GTSE1: variants seen among roughly 807,000 people sequenced by gnomAD.
GTSE1 encodes the protein G2 and S phase-expressed protein 1.
In GTSE1, 52 loss-of-function variants were observed where a neutral mutation model predicts 60.5. The ratio of observed to expected loss-of-function variants is 0.86; its 90% CI spans 0.69 to 1.08. The LOEUF is 1.08. Among genes scored for constraint, GTSE1 ranks in the 50% least tolerant of loss-of-function variants. The pLI is 0.00. For synonymous variants in GTSE1, 368 were observed against 386.5 expected, an observed-to-expected ratio of 0.95 and a Z score of 0.56; for missense variants, 937 against 961.8, an observed-to-expected ratio of 0.97 and a Z score of 0.34.
At chr22:46,299,155 G>A (rs1375912787) in intron 2 of GTSE1, among the ~76,000 whole-genome samples, 6 of 152,200 alleles carry the variant, frequency 3.9e-5, no homozygotes, top group Non-Finnish European at 5.9e-5. Flanking sequence ...AGTCCAAGAC[G>A]CTCTTGGTTT....
At position 46,298,959 on chromosome 22, in the gene GTSE1, C is replaced by T. The variant is rs557364715; in HGVS notation, c.79+1480C>T. 5.9e-5 allele frequency among the ~76,000 whole-genome samples: 9 copies of T among 152,344 alleles called. 1 individual carries two copies. The highest frequency in any genetic ancestry group is 5.9e-4 in the Admixed American group (9 of 15,312). ...TTCCAAGCCAAACTTTGAGAGCTTT[C>T]TCACTTGTTATGCCATTTTTTTCCG... is the stretch of plus-strand genomic sequence containing the variant. On this transcript the variant is annotated intron_variant, in intron 2 of 11. Coordinates refer to ENST00000454366, the MANE Select transcript of GTSE1 (RefSeq NM_016426.7).
chr22:46,308,242 A>G, intron 3 of GTSE1, 35 bp downstream of exon 3: 1 of 1,607,194 alleles, frequency 6.2e-7, no homozygotes, highest in Middle Eastern at 1.7e-4. Flanking sequence ...TGCCTTGGGC[A>G]TAACCACATT....
At position 46,314,235 on chromosome 22, in the gene GTSE1, A is replaced by G. The variant is rs1349629568; in HGVS notation, c.1051+222A>G. Among the ~76,000 whole-genome samples the G allele has an allele frequency of 6.6e-6, 1 of 152,226 alleles. No homozygotes were observed. The highest frequency in any genetic ancestry group is 2.4e-5 in the African/African-American group (1 of 41,460). ...ACACTCAGATGGGTGGCTTCAGTCT[A>G]CGGGGTACACATGGCCAGAAAGCAT... On this transcript the variant is annotated intron_variant, in intron 6 of 11. Transcript: ENST00000454366. The surrounding 1 kb of genome is among the most constrained non-coding windows in gnomAD (Gnocchi z 7.1).
At chr22:46,323,572 G>T (rs547038774) in intron 8 of GTSE1, among the ~76,000 whole-genome samples, 4 of 152,338 alleles carry the variant, frequency 2.6e-5, no homozygotes, top group Admixed American at 6.5e-5. Flanking sequence ...CACCCCAGGG[G>T]TTCTGATTTG....
At chr22:46,312,368 A>T (rs1569040947) in intron 5 of GTSE1, 63 bp downstream of exon 5, 2 of 1,493,438 alleles carry the variant, frequency 1.3e-6, no homozygotes, top group Non-Finnish European at 1.8e-6. Flanking sequence ...CTGTGTGTAC[A>T]AGTGCTTTGG....
rs1391669729 is a variant in GTSE1, at chr22:46,320,227, A to G, written c.1433-2963A>G. ...GCCACAGGACTTCTGCTAATCCCAA[A>G]TCCCTGTTGGCTTTGCCCTGTTTCC... On this transcript the variant is annotated intron_variant, in intron 7 of 11. Coordinates refer to ENST00000454366, the MANE Select transcript of GTSE1 (RefSeq NM_016426.7). This position sits in a 1 kb window ranked among gnomAD's most constrained non-coding sequence, Gnocchi z 7.1. Among the ~76,000 whole-genome samples the G allele has an allele frequency of 6.6e-6, 1 of 151,902 alleles. No homozygotes were observed. Among genetic ancestry groups the G allele is most frequent in the Non-Finnish European group, 1.5e-5 (1 of 67,952 alleles).
intron 4 of GTSE1, among the ~76,000 whole-genome samples, chr22:46,311,394 T>C (rs1307987162): frequency 6.6e-6 from 1 of 152,186 alleles, no homozygotes; most frequent in Non-Finnish European, 1.5e-5. Flanking sequence ...AGGTTCTTTT[T>C]TGGGACACCA....
Position 46,314,040 on chromosome 22 carries a change from C to T in GTSE1, c.1051+27C>T. 1 of 1,612,962 alleles carries T rather than the reference C, an allele frequency of 6.2e-7. No homozygotes were observed. Among genetic ancestry groups the T allele is most frequent in the African/African-American group, 1.3e-5 (1 of 75,020 alleles). On this transcript the variant is annotated intron_variant, in intron 6 of 11. Coordinates refer to ENST00000454366, the MANE Select transcript of GTSE1 (RefSeq NM_016426.7). The surrounding 1 kb of genome is among the most constrained non-coding windows in gnomAD (Gnocchi z 7.1). ...TGAGGCAGCCGGCATCATGCTTGGA[C>T]CCACATCTGGCCAGGTGAGGCCTGG...
rs1417747848 is a variant in GTSE1 at position 46,304,499 on chromosome 22, A to G, written c.80-3651A>G. On this transcript the variant is annotated intron_variant, in intron 2 of 11. Coordinates refer to ENST00000454366, the MANE Select transcript of GTSE1 (RefSeq NM_016426.7). This position sits in a 1 kb window ranked among gnomAD's most constrained non-coding sequence, Gnocchi z 4.4. ...AAGAATGTATGTTGTATTTTATCAT[A>G]TGCCCGTTCAACATATGTGCAGACG... Among the ~76,000 whole-genome samples the G allele has an allele frequency of 6.6e-6, 1 of 152,202 alleles. No individual in the cohort carries two copies. The highest frequency in any genetic ancestry group is 2.4e-5 in the African/African-American group (1 of 41,440).
Position 46,312,153 on chromosome 22 carries a change from A to G in GTSE1, c.775A>G (p.Ile259Val). The change falls in exon 5 of 12, where the codon ATT (isoleucine) becomes GTT (valine). Residue 259 changes from isoleucine (I) to valine (V), a missense_variant. By Grantham distance (29) the Ile-to-Val change is conservative (BLOSUM62 3). Transcript: ENST00000454366. ...PGAAEKPKKE[I>V]PASPSRTKIP... is the part of the protein sequence containing the mutation. Reference sequence around the variant, plus strand: ...TTAAAATTTTCAGCCCAAGAAAGAGATTCCAGCTAGTCCTTCCAGGACAAA... The same window carrying G: ...TTAAAATTTTCAGCCCAAGAAAGAGGTTCCAGCTAGTCCTTCCAGGACAAA... 1 of 1,612,872 alleles carries G rather than the reference A, an allele frequency of 6.2e-7. No homozygotes were observed. Among genetic ancestry groups the G allele is most frequent in the Non-Finnish European group, 8.5e-7 (1 of 1,179,430 alleles).
chr22:46,313,878 A>C lies in GTSE1; in HGVS notation c.928-12A>C, dbSNP rs1395806309. On this transcript the variant is annotated splice_polypyrimidine_tract_variant and intron_variant, in intron 5 of 11. Transcript: ENST00000454366. This position sits in a 1 kb window ranked among gnomAD's most constrained non-coding sequence, Gnocchi z 4.4. ...ATCTTTGCTGATTCTGTTTTTTCAC[A>C]TTTTGCCCCAGTTGGGGCTGAAGAA... The C allele has an allele frequency of 6.2e-7, 1 of 1,613,816 alleles. No homozygotes were observed. The highest frequency in any genetic ancestry group is 2.2e-5 in the East Asian group (1 of 44,880).
intron 2 of GTSE1, among the ~76,000 whole-genome samples, chr22:46,306,176 T>TTTTA (rs1038294968): frequency 1.3e-5 from 2 of 152,084 alleles, no homozygotes; most frequent in African/African-American, 2.4e-5. Flanking sequence ...GTGTTGTTAT[T>TTTTA]TTTATTTATT....
intron 3 of GTSE1, 32 bp downstream of exon 3, chr22:46,308,239 G>C: frequency 6.2e-7 from 1 of 1,607,514 alleles, no homozygotes; most frequent in Non-Finnish European, 8.5e-7. Flanking sequence ...CCTTGCCTTG[G>C]GCATAACCAC....
Position 46,297,310 on chromosome 22 carries a change from G to T in GTSE1, c.-21-70G>T, listed in dbSNP as rs764628369. 2.2e-6 allele frequency: 2 copies of T among 921,254 alleles called. No homozygotes were observed. Among genetic ancestry groups the T allele is most frequent in the Non-Finnish European group, 3.6e-6 (2 of 558,220 alleles). The allele number at this position is 921,254 out of a possible 1,614,324, so 57.1% of individuals were successfully genotyped here. On this transcript the variant is annotated intron_variant, in intron 1 of 11. Transcript: ENST00000454366. The surrounding 1 kb of genome is among the most constrained non-coding windows in gnomAD (Gnocchi z 4.9). ...TCAGCTCTCTCTGCCTCTGTGAGCC[G>T]AGGGCTGAAGGAAGCCGGAGCCCTG...
chr22:46,314,152 C>A lies in GTSE1; in HGVS notation c.1051+139C>A. The A allele has an allele frequency of 9.6e-7, 1 of 1,043,822 alleles. No homozygotes were observed. 64.7% of individuals were successfully genotyped at this position (1,043,822 alleles called of 1,614,324 possible). On this transcript the variant is annotated intron_variant, in intron 6 of 11. Coordinates refer to ENST00000454366, the MANE Select transcript of GTSE1 (RefSeq NM_016426.7). This position sits in a 1 kb window ranked among gnomAD's most constrained non-coding sequence, Gnocchi z 7.1. ...GGAGGGCGTGCTGTGTGCGGTGGAC[C>A]AGGCTGTGGACTGAGTTGCTGTACC... is the stretch of plus-strand genomic sequence containing the variant.
rs1243551510 is a variant in GTSE1 at position 46,317,672 on chromosome 22, A to G, written c.1432+1260A>G. ...GGCTTGGCAGGCAGTTAAGGTGCAG[A>G]TCATCCTTCCGAGGCTTTTTATGCT... On this transcript the variant is annotated intron_variant, in intron 7 of 11. Transcript: ENST00000454366. The surrounding 1 kb of genome is among the most constrained non-coding windows in gnomAD (Gnocchi z 5.6). 6.6e-6 allele frequency among the ~76,000 whole-genome samples: 1 copy of G among 152,174 alleles called. No individual in the cohort carries two copies. The highest frequency in any genetic ancestry group is 1.5e-5 in the Non-Finnish European group (1 of 68,028).
Position 46,328,764 on chromosome 22 carries a change from C to G in GTSE1, c.1801C>G (p.Pro601Ala), listed in dbSNP as rs2077858576. Reference protein sequence around the residue: ...VDVSPDRGSPPSRVPQALNFS... With the variant: ...VDVSPDRGSPASRVPQALNFS... ...TGTGTCCCCTGACAGGGGTTCTCCT[C>G]CTTCCCGTGTGCCTCAGGCACTTAA... is the stretch of plus-strand genomic sequence containing the variant. Residue 601 changes from proline to alanine, a missense_variant, in exon 10 of 12, where the codon CCT becomes GCT. By Grantham distance (27) the Pro-to-Ala change is conservative (BLOSUM62 -1). Transcript: ENST00000454366. 6.2e-7 allele frequency: 1 copy of G among 1,613,642 alleles called. No individual in the cohort carries two copies. The highest frequency in any genetic ancestry group is 1.3e-5 in the African/African-American group (1 of 75,062).
At chr22:46,298,307 C>G (rs990896500) in intron 2 of GTSE1, among the ~76,000 whole-genome samples, 1 of 150,696 alleles carries the variant, frequency 6.6e-6, no homozygotes, top group African/African-American at 2.4e-5. Flanking sequence ...CTCACACTAC[C>G]CAAGGATCCT....
intron 3 of GTSE1, 27 bp from the exon 4 acceptor site, chr22:46,308,292 T>A: frequency 6.2e-7 from 1 of 1,610,060 alleles, no homozygotes; most frequent in Non-Finnish European, 8.5e-7. Context: ...TTATGAGTTA[T>A]TAATCATTCT....
Sources: gnomAD v4.1 joint callset for allele counts (sites outside exome capture counted in the v4.1 genomes callset) on GRCh38, gnomAD v4.1.1 for gene constraint, Gnocchi (gnomAD v3.1) non-coding constraint, MANE v1.5 for transcripts, NCBI Gene and HGNC (gene_info 2026-07-23, HGNC 2026-07-21) for gene names.